The following DIAPH2 variants were observed in gnomAD, a reference collection of about 807,000 sequenced individuals.
The protein encoded by DIAPH2 is protein diaphanous homolog 2.
DIAPH2 carries 35 observed loss-of-function variants against 92.7 expected under a neutral mutation model. That is an observed-to-expected ratio of 0.38 (90% CI 0.29 to 0.50). DIAPH2 has a LOEUF of 0.50. Ranked by LOEUF, DIAPH2 falls within the 20% of genes least tolerant of loss-of-function variation. The pLI, the probability that DIAPH2 is intolerant of heterozygous loss-of-function variation, is 0.94. For synonymous variants in DIAPH2, 301 were observed against 280.4 expected (o/e 1.07, Z -0.73); for missense variants, 701 against 819.5 (o/e 0.86, Z 1.77).
At chrX:97,264,009 C>T (rs2147574475) in intron 23 of DIAPH2, among the ~76,000 whole-genome samples, 1 of 108,617 alleles carries the variant, frequency 9.2e-6, no homozygotes, top group East Asian at 2.9e-4. Context: ...GCAGCCTCGA[C>T]CTCCTGGGCT....
At chrX:96,816,367 G>C (rs940746602) in intron 4 of DIAPH2, among the ~76,000 whole-genome samples, 3 of 112,041 alleles carry the variant, frequency 2.7e-5, no homozygotes, top group African/African-American at 9.7e-5. Flanking sequence ...AAGGATAAAA[G>C]GGTCACCATC....
chrX:97,301,855 C>T (rs112067751), intron 23 of DIAPH2, among the ~76,000 whole-genome samples: 9 of 110,747 alleles, frequency 8.1e-5, no homozygotes, highest in African/African-American at 3.0e-4. Context: ...CAATAGAACT[C>T]AACAAAGGAC....
chrX:96,996,319 A>C (rs748764518), intron 17 of DIAPH2, among the ~76,000 whole-genome samples: 1 of 112,397 alleles, frequency 8.9e-6, no homozygotes, highest in South Asian at 3.7e-4. Context: ...ACAATTCATA[A>C]AAGTTATGTT....
At chrX:97,368,506 CTTT>C (rs1454557288) in intron 24 of DIAPH2, among the ~76,000 whole-genome samples, 1 of 111,650 alleles carries the variant, frequency 9.0e-6, no homozygotes, top group Non-Finnish European at 1.9e-5. Context: ...TAAAAGAAAT[CTTT>C]TTTATTTTTA....
intron 21 of DIAPH2, among the ~76,000 whole-genome samples, chrX:97,119,690 T>A (rs1303982421): frequency 7.2e-5 from 8 of 111,584 alleles, no homozygotes; most frequent in African/African-American, 2.6e-4. Flanking sequence ...GGTCTAGGCA[T>A]GTCTGACCTC....
intron 9 of DIAPH2, among the ~76,000 whole-genome samples, chrX:96,919,344 A>C (rs1020605531): frequency 1.8e-5 from 2 of 112,206 alleles, no homozygotes; most frequent in African/African-American, 6.5e-5. Flanking sequence ...GGGACGAATA[A>C]GTTGAATGAG....
intron 4 of DIAPH2, among the ~76,000 whole-genome samples, chrX:96,758,610 C>T (rs779038389): frequency 4.5e-4 from 50 of 111,803 alleles, no homozygotes; most frequent in African/African-American, 1.5e-3. Flanking sequence ...GAAGAAGGTA[C>T]AACTTAGTAT....
At chrX:96,964,842 C>G (rs1335886353) in intron 16 of DIAPH2, among the ~76,000 whole-genome samples, 2 of 111,026 alleles carry the variant, frequency 1.8e-5, no homozygotes, top group East Asian at 5.6e-4. Flanking sequence ...TTTTAAGACT[C>G]CTTCCAGTAG....
intron 17 of DIAPH2, among the ~76,000 whole-genome samples, chrX:96,985,242 A>G (rs2066023346): frequency 9.0e-6 from 1 of 111,515 alleles, no homozygotes. Flanking sequence ...AGCAGGGAAG[A>G]GAATTTGTCT....
intron 17 of DIAPH2, among the ~76,000 whole-genome samples, chrX:96,991,017 A>G (rs1310775377): frequency 9.0e-6 from 1 of 111,422 alleles, no homozygotes. Context: ...TGGCTCACAC[A>G]TAGCATTTAC....
At chrX:97,335,137 G>A (rs148435944) in intron 23 of DIAPH2, among the ~76,000 whole-genome samples, 1,239 of 110,123 alleles carry the variant, frequency 0.011, 19 homozygotes, top group African/African-American at 0.038. Flanking sequence ...TTCATCATGT[G>A]TAAAATGTAG....
intron 26 of DIAPH2, among the ~76,000 whole-genome samples, chrX:97,539,396 T>C (rs982102342): frequency 7.1e-5 from 8 of 112,155 alleles, no homozygotes; most frequent in African/African-American, 2.3e-4. Flanking sequence ...TCTCTTTTCT[T>C]GATACCGACC....
At chrX:97,404,593 C>G (rs183682355) in intron 25 of DIAPH2, among the ~76,000 whole-genome samples, 38 of 112,219 alleles carry the variant, frequency 3.4e-4, no homozygotes, top group Non-Finnish European at 6.4e-4. Context: ...GTCTCCCTCA[C>G]TGGTCCACTG....
At position 97,409,450 on chromosome X, in the gene DIAPH2, T is replaced by C. The variant is rs1021955942; in HGVS notation, c.3146-20200T>C. The stretch of plus-strand genomic sequence containing the variant: ...CAGCTGCAGTCTGCAGCTCCTAGAG[T>C]GATCGACACAGAAGATGGTGATTTC... On this transcript the variant is annotated intron_variant, in intron 25 of 26. Coordinates refer to ENST00000324765, the MANE Select transcript of DIAPH2 (RefSeq NM_006729.5). 8.2e-5 allele frequency among the ~76,000 whole-genome samples: 9 copies of C among 110,260 alleles called. No homozygotes were observed. The Admixed American group carries it at 8.6e-4, about 11-fold the overall frequency.
chrX:97,177,408 A>G (rs1188328514), intron 22 of DIAPH2, among the ~76,000 whole-genome samples: 4 of 111,131 alleles, frequency 3.6e-5, no homozygotes, highest in Non-Finnish European at 7.5e-5. Context: ...CACTTTTTGG[A>G]CTTCGTACAT....
chrX:96,813,201 G>T (rs915695701), intron 4 of DIAPH2, among the ~76,000 whole-genome samples: 4 of 111,362 alleles, frequency 3.6e-5, no homozygotes, highest in African/African-American at 9.8e-5. Context: ...GAATGTGGGT[G>T]CTCCTGTATT....
intron 4 of DIAPH2, among the ~76,000 whole-genome samples, chrX:96,804,371 CCT>C (rs1347156011): frequency 8.9e-6 from 1 of 111,783 alleles, no homozygotes; most frequent in East Asian, 2.8e-4. Flanking sequence ...CCTCTGCCAT[CCT>C]CTCTACCACC....
At chrX:97,274,482 T>G (rs1183513003) in intron 23 of DIAPH2, among the ~76,000 whole-genome samples, 2 of 102,875 alleles carry the variant, frequency 1.9e-5, no homozygotes, top group Non-Finnish European at 3.9e-5. Context: ...CACTCCAGCC[T>G]CGGCAACAGA....
chrX:97,047,934 G>A (rs931603855), intron 17 of DIAPH2, among the ~76,000 whole-genome samples: 2 of 109,764 alleles, frequency 1.8e-5, no homozygotes, highest in African/African-American at 6.6e-5. Flanking sequence ...AATACTTCCG[G>A]TTTTCCTTTT....
Sources: allele counts gnomAD v4.1 joint callset (sites outside exome capture counted in the v4.1 genomes callset), GRCh38; gene constraint gnomAD v4.1.1; transcripts MANE v1.5; gene names NCBI Gene and HGNC (gene_info 2026-07-23, HGNC 2026-07-21).